The following WWOX variants were observed in gnomAD, a reference collection of about 807,000 sequenced individuals.
WWOX encodes the protein WW domain-containing oxidoreductase.
In WWOX, 69 loss-of-function variants were observed where a neutral mutation model predicts 46.2. The observed-to-expected ratio is 1.49, with a 90% CI of 1.23 to 1.82. The LOEUF (loss-of-function observed/expected upper bound fraction) is 1.82, where lower values mean the gene tolerates loss of function less well. Among genes scored for constraint, WWOX ranks in the 40% most tolerant of loss-of-function variants. The pLI is 0.00. For missense variants in WWOX, 919 were observed against 542.6 expected (o/e 1.69, Z -6.89); for synonymous variants, 359 against 202.6 (o/e 1.77, Z -6.56).
Position 78,241,773 on chromosome 16 carries a change from G to A in WWOX, c.516+77484G>A, listed in dbSNP as rs570644247. On this transcript the variant is annotated intron_variant, in intron 5 of 8. Transcript: ENST00000566780. ...CACTGTTGCTATTGATGATTATTAT[G>A]ACATCATTGCTCAGATTCACTTGGC... Among the ~76,000 whole-genome samples the A allele has an allele frequency of 1.0e-3, 155 of 152,228 alleles. 1 individual carries two copies. The highest frequency in any genetic ancestry group is 1.4e-3 in the Non-Finnish European group (97 of 68,008).
chr16:79,013,109 G>A (rs2047344844), intron 8 of WWOX, among the ~76,000 whole-genome samples: 1 of 152,196 alleles, frequency 6.6e-6, no homozygotes, highest in Non-Finnish European at 1.5e-5. Flanking sequence ...GAAGTTGGTG[G>A]TCCTCCAGAA....
At chr16:78,550,874 G>C (rs2044157140) in intron 8 of WWOX, 1 of 152,184 alleles carries the variant, frequency 6.6e-6, no homozygotes, top group Non-Finnish European at 1.5e-5. Context: ...AAGAAAAAAG[G>C]AGTAAGAGAG....
In WWOX at chr16:78,355,474, C is replaced by T. The variant is rs959756103; in HGVS notation, c.517-31386C>T. 2.1e-4 allele frequency: 68 copies of T among 320,756 alleles called. 1 individual carries two copies. Among genetic ancestry groups the T allele is most frequent in the Non-Finnish European group, 2.2e-4 (35 of 161,206 alleles). The allele number at this position is 320,756 out of a possible 1,614,324, so 19.9% of individuals were successfully genotyped here. Reference sequence around the variant, plus strand: ...AAAATTAGCCTGGCGTGGTGGCGGGCACCTGTAGTCCCAGCTACTCGGGAG... The same window carrying T: ...AAAATTAGCCTGGCGTGGTGGCGGGTACCTGTAGTCCCAGCTACTCGGGAG... On this transcript the variant is annotated intron_variant, in intron 5 of 8. Transcript: ENST00000566780.
chr16:79,116,440 A>G (rs763726987), intron 8 of WWOX, among the ~76,000 whole-genome samples: 1 of 152,206 alleles, frequency 6.6e-6, no homozygotes, highest in African/African-American at 2.4e-5. Context: ...TGTCATTTCA[A>G]CAACATTCAT....
chr16:78,815,425 G>C (rs1429095112), intron 8 of WWOX, among the ~76,000 whole-genome samples: 1 of 152,028 alleles, frequency 6.6e-6, no homozygotes, highest in Non-Finnish European at 1.5e-5. Flanking sequence ...AAACCTTGCT[G>C]TTTCCTTAAA....
At chr16:78,644,176 C>G (rs893869226) in intron 8 of WWOX, among the ~76,000 whole-genome samples, 13 of 152,056 alleles carry the variant, frequency 8.5e-5, no homozygotes, top group African/African-American at 2.4e-5. Context: ...GAGCTGAGAT[C>G]ACGCCATTGC....
At chr16:78,133,736 T>C (rs2033689894) in intron 4 of WWOX, among the ~76,000 whole-genome samples, 1 of 152,222 alleles carries the variant, frequency 6.6e-6, no homozygotes, top group Non-Finnish European at 1.5e-5. Context: ...CAAATGCTCA[T>C]GACTTTCAAT....
intron 6 of WWOX, among the ~76,000 whole-genome samples, chr16:78,387,382 C>T (rs1377130791): frequency 1.3e-5 from 2 of 152,152 alleles, no homozygotes; most frequent in Non-Finnish European, 2.9e-5. Flanking sequence ...TTTCTAAAGC[C>T]TTCGATGATT....
chr16:78,984,233 A>G (rs1315855856), intron 8 of WWOX, among the ~76,000 whole-genome samples: 1 of 152,104 alleles, frequency 6.6e-6, no homozygotes, highest in Non-Finnish European at 1.5e-5. Context: ...CATGTGGCAC[A>G]TACCCCTGTA....
At chr16:78,540,727 C>G (rs1044277283) in intron 8 of WWOX, among the ~76,000 whole-genome samples, 1 of 151,992 alleles carries the variant, frequency 6.6e-6, no homozygotes, top group Non-Finnish European at 1.5e-5. Context: ...CATTCTGTTG[C>G]CCCGGCTGCA....
At chr16:79,127,752 G>A (rs1178970102) in intron 8 of WWOX, among the ~76,000 whole-genome samples, 1 of 152,150 alleles carries the variant, frequency 6.6e-6, no homozygotes, top group Non-Finnish European at 1.5e-5. Flanking sequence ...CAGTTAGGGT[G>A]GCATTTCCTG....
At chr16:78,340,524 T>A (rs1473377064) in intron 5 of WWOX, among the ~76,000 whole-genome samples, 1 of 120,308 alleles carries the variant, frequency 8.3e-6, no homozygotes, top group East Asian at 1.9e-4. Flanking sequence ...ATAAAGTCTT[T>A]CCCCAAATGT....
chr16:78,821,587 G>A (rs986922705), intron 8 of WWOX, among the ~76,000 whole-genome samples: 3 of 152,110 alleles, frequency 2.0e-5, no homozygotes, highest in Non-Finnish European at 4.4e-5. Context: ...GATGACCTGT[G>A]GTATTTTTAT....
chr16:78,912,716 T>C (rs1245385305), intron 8 of WWOX, among the ~76,000 whole-genome samples: 1 of 152,032 alleles, frequency 6.6e-6, no homozygotes, highest in Admixed American at 6.6e-5. Flanking sequence ...AACTTTATGG[T>C]CTTTACTTGT....
intron 8 of WWOX, among the ~76,000 whole-genome samples, chr16:78,808,112 A>C (rs1163126723): frequency 6.6e-6 from 1 of 152,206 alleles, no homozygotes; most frequent in African/African-American, 2.4e-5. Context: ...AGGCCCAAGC[A>C]ACCAGGACTC....
Position 78,622,487 on chromosome 16 carries a change from A to T in WWOX, c.1056+189735A>T, listed in dbSNP as rs141027670. Among the ~76,000 whole-genome samples, 602 of 151,678 alleles carry T rather than the reference A, an allele frequency of 4.0e-3. 4 individuals carry two copies. The highest frequency in any genetic ancestry group is 0.014 in the African/African-American group (583 of 41,352). On this transcript the variant is annotated intron_variant, in intron 8 of 8. Coordinates refer to ENST00000566780, the MANE Select transcript of WWOX (RefSeq NM_016373.4). ...AACCCAGGAGACGGGGGTTGCAGGG[A>T]GCTGAGATCGTGCCACTGTACTCCA... is the stretch of plus-strand genomic sequence containing the variant.
intron 8 of WWOX, among the ~76,000 whole-genome samples, chr16:78,921,512 C>T (rs1255774530): frequency 1.3e-5 from 2 of 152,212 alleles, no homozygotes; most frequent in Non-Finnish European, 2.9e-5. Flanking sequence ...AAAGACCTTT[C>T]ACAGTCATTC....
At chr16:78,361,387 C>T (rs993992967) in intron 5 of WWOX, among the ~76,000 whole-genome samples, 1 of 151,956 alleles carries the variant, frequency 6.6e-6, no homozygotes, top group Non-Finnish European at 1.5e-5. Context: ...TTAATTTTTC[C>T]TTTGAAATTC....
chr16:78,150,417 C>T (rs894487760), intron 4 of WWOX, among the ~76,000 whole-genome samples: 2 of 152,160 alleles, frequency 1.3e-5, no homozygotes, highest in Non-Finnish European at 2.9e-5. Context: ...GTTGCCCAGG[C>T]TGCAGTGCAG....
Sources: allele counts gnomAD v4.1 joint callset (sites outside exome capture counted in the v4.1 genomes callset), GRCh38; gene constraint gnomAD v4.1.1; transcripts MANE v1.5; gene names NCBI Gene and HGNC (gene_info 2026-07-23, HGNC 2026-07-21).